Variants in PCCA observed in about 807,000 individuals in gnomAD.
The protein encoded by PCCA is propionyl-CoA carboxylase alpha chain, mitochondrial.
In PCCA, 74 loss-of-function variants were observed where a neutral mutation model predicts 101.3. The observed-to-expected ratio is 0.73, with a 90% confidence interval of 0.61 to 0.89. The LOEUF is 0.89. Ranked by LOEUF, PCCA falls within the 40% of genes least tolerant of loss-of-function variation. PCCA has a pLI of 0.00. For missense variants in PCCA, 891 were observed against 907.0 expected, an observed-to-expected ratio of 0.98 and a Z score of 0.23; for synonymous variants, 294 against 313.6, an observed-to-expected ratio of 0.94 and a Z score of 0.66.
intron 21 of PCCA, among the ~76,000 whole-genome samples, chr13:100,474,440 TTCTCTCTCTCTC>T (rs58811683): frequency 4.2e-5 from 6 of 144,290 alleles, no homozygotes; most frequent in African/African-American, 1.6e-4. Context: ...TATTTACTGT[TTCTCTCTCTCTC>T]TCTCTCTCTC....
In PCCA at chr13:100,391,418, G is replaced by A. The variant is rs373766445; in HGVS notation, c.1746+22844G>A. 1.1e-3 allele frequency among the ~76,000 whole-genome samples: 168 copies of A among 152,288 alleles called. 6 individuals are homozygous for A. The South Asian group carries it at 0.031, about 28-fold the overall frequency. On this transcript the variant is annotated intron_variant, in intron 19 of 23. Coordinates refer to ENST00000376285, the MANE Select transcript of PCCA (RefSeq NM_000282.4). ...TTATGGCATTAGAAATTGGAAGTAC[G>A]TGGAATGTTGTTGAGGCTGGGAGCA...
intron 14 of PCCA, among the ~76,000 whole-genome samples, chr13:100,303,592 T>C (rs1177387873): frequency 1.3e-5 from 2 of 151,788 alleles, no homozygotes; most frequent in Non-Finnish European, 2.9e-5. Flanking sequence ...GACATACCCT[T>C]TTTCTTAATC....
intron 12 of PCCA, among the ~76,000 whole-genome samples, chr13:100,299,121 C>T (rs1010166355): frequency 8.6e-5 from 13 of 152,010 alleles, no homozygotes; most frequent in Admixed American, 3.3e-4. Flanking sequence ...AAGGATTTTA[C>T]CTTTAGCAGC....
intron 17 of PCCA, among the ~76,000 whole-genome samples, chr13:100,337,020 G>T (rs965038222): frequency 1.3e-5 from 2 of 152,148 alleles, no homozygotes; most frequent in Non-Finnish European, 2.9e-5. Context: ...TGTCGGGGTT[G>T]GGGGAGAGGG....
chr13:100,371,693 C>G (rs949802709), intron 19 of PCCA, among the ~76,000 whole-genome samples: 1 of 152,202 alleles, frequency 6.6e-6, no homozygotes, highest in African/African-American at 2.4e-5. Context: ...CAAATTTATT[C>G]TGAAATTCAT....
At chr13:100,285,454 T>A (rs2152639486) in intron 12 of PCCA, among the ~76,000 whole-genome samples, 1 of 152,246 alleles carries the variant, frequency 6.6e-6, no homozygotes, top group Middle Eastern at 3.4e-3. Flanking sequence ...GTAAGGAAAT[T>A]GATGTAGTAG....
rs1306242660 is a variant in PCCA at position 100,249,525 on chromosome 13, T to G, written c.638-8070T>G. Among the ~76,000 whole-genome samples, 3 of 152,206 alleles carry G rather than the reference T, an allele frequency of 2.0e-5. No individual in the cohort carries two copies. The East Asian group carries it at 5.8e-4, about 29-fold the overall frequency. On this transcript the variant is annotated intron_variant, in intron 8 of 23. Coordinates refer to ENST00000376285, the MANE Select transcript of PCCA (RefSeq NM_000282.4). Reference sequence around the variant, plus strand: ...TTGGGTATTGTTAGTCTTTTGAATTTGTTCTTTTTCTTCAATATTGTGATG... The same window carrying G: ...TTGGGTATTGTTAGTCTTTTGAATTGGTTCTTTTTCTTCAATATTGTGATG...
chr13:100,309,113 G>A (rs987948291), intron 15 of PCCA, among the ~76,000 whole-genome samples: 1 of 152,098 alleles, frequency 6.6e-6, no homozygotes, highest in Non-Finnish European at 1.5e-5. Flanking sequence ...AAGTGTTAAG[G>A]GCTGGACGCA....
At chr13:100,105,699 G>T (rs1389575957) in intron 2 of PCCA, among the ~76,000 whole-genome samples, 2 of 149,390 alleles carry the variant, frequency 1.3e-5, no homozygotes. Context: ...AAAATTAGCT[G>T]GGTGTGGTGG....
intron 2 of PCCA, among the ~76,000 whole-genome samples, chr13:100,110,734 A>T (rs1232895298): frequency 6.6e-6 from 1 of 152,212 alleles, no homozygotes; most frequent in African/African-American, 2.4e-5. Context: ...AAAACAACTC[A>T]TGACACTTAG....
At chr13:100,092,742 A>C (rs2046397225) in intron 1 of PCCA, among the ~76,000 whole-genome samples, 1 of 152,180 alleles carries the variant, frequency 6.6e-6, no homozygotes, top group Admixed American at 6.5e-5. Context: ...GTGTTACTTG[A>C]CATCCATTAT....
At chr13:100,135,133 T>A (rs750557887) in intron 4 of PCCA, among the ~76,000 whole-genome samples, 9 of 151,724 alleles carry the variant, frequency 5.9e-5, no homozygotes, top group Non-Finnish European at 7.4e-5. Flanking sequence ...GTGGCTCGCA[T>A]CTGTAATCCT....
intron 21 of PCCA, among the ~76,000 whole-genome samples, chr13:100,486,567 A>T (rs2084389588): frequency 6.6e-6 from 1 of 152,226 alleles, no homozygotes; most frequent in Admixed American, 6.5e-5. Context: ...ATATTGTAAC[A>T]TGAAAAAATA....
chr13:100,247,215 G>GTTTTTTTTTT (rs143058621), intron 8 of PCCA, among the ~76,000 whole-genome samples: 1 of 108,254 alleles, frequency 9.2e-6, no homozygotes, highest in African/African-American at 3.7e-5. Flanking sequence ...GCCTGTGTGG[G>GTTTTTTTTTT]TTTTTTTTTT....
At chr13:100,491,017 G>C (rs2084865554) in intron 21 of PCCA, 1 of 152,258 alleles carries the variant, frequency 6.6e-6, no homozygotes, top group Non-Finnish European at 1.5e-5. Context: ...CTAGGTCTGG[G>C]ATGGGGCTTG....
intron 5 of PCCA, among the ~76,000 whole-genome samples, chr13:100,156,255 A>T (rs1454688843): frequency 6.6e-6 from 1 of 151,986 alleles, no homozygotes; most frequent in African/African-American, 2.4e-5. Context: ...TTTAGTAGAG[A>T]AGGGGTTTCA....
chr13:100,397,673 C>T (rs889017124), intron 19 of PCCA, among the ~76,000 whole-genome samples: 2 of 152,002 alleles, frequency 1.3e-5, no homozygotes, highest in East Asian at 3.9e-4. Context: ...AAACCTATGG[C>T]TTTGAGCATG....
At chr13:100,343,969 GGAGGCT>G (rs2071795720) in intron 18 of PCCA, among the ~76,000 whole-genome samples, 1 of 152,222 alleles carries the variant, frequency 6.6e-6, no homozygotes, top group Admixed American at 6.5e-5. Flanking sequence ...CATCTACTCA[GGAGGCT>G]GAGGCACGAG....
chr13:100,103,794 C>G (rs1200412614), intron 2 of PCCA, among the ~76,000 whole-genome samples: 1 of 151,638 alleles, frequency 6.6e-6, no homozygotes, highest in Non-Finnish European at 1.5e-5. Context: ...CCCCACCACG[C>G]CCGTCTAATT....
Sources: gnomAD v4.1 joint callset for allele counts (sites outside exome capture counted in the v4.1 genomes callset) on GRCh38, gnomAD v4.1.1 for gene constraint, MANE v1.5 for transcripts, NCBI Gene and HGNC (gene_info 2026-07-23, HGNC 2026-07-21) for gene names.